The following SHC3 variants were observed in gnomAD, a reference collection of about 807,000 sequenced individuals.
SHC3 encodes the protein SHC-transforming protein 3.
SHC3 carries 15 observed loss-of-function variants against 60.4 expected under a neutral mutation model. The observed-to-expected ratio is 0.25, with a 90% CI of 0.17 to 0.38. The LOEUF (loss-of-function observed/expected upper bound fraction) is 0.38, where lower values mean the gene tolerates loss of function less well. SHC3 is among the 10% of genes least tolerant of loss of function. The probability of loss-of-function intolerance (pLI) is 1.00; values close to 1 mark genes in which losing one functional copy is unlikely to be tolerated. For missense variants in SHC3, 677 were observed against 786.1 expected, an observed-to-expected ratio of 0.86 and a Z score of 1.66; for synonymous variants, 294 against 325.9, an observed-to-expected ratio of 0.90 and a Z score of 1.05.
At position 89,025,328 on chromosome 9, in the gene SHC3, G is replaced by C. The variant is rs1268123857; in HGVS notation, c.1657-11753C>G. On this transcript the variant is annotated intron_variant, in intron 11 of 11. Coordinates refer to ENST00000375835, the MANE Select transcript of SHC3 (RefSeq NM_016848.6). ...CTCCAGGCTTGTAGGCTCATGCCTG[G>C]ATCCAGCCTAACCCAGGTGTGATGT... Among the ~76,000 whole-genome samples, 7 of 152,172 alleles carry C rather than the reference G, an allele frequency of 4.6e-5. No individual in the cohort carries two copies. In the East Asian group the frequency reaches 1.4e-3, roughly 29 times the overall value.
At chr9:89,037,607 C>T (rs1158405789) in intron 11 of SHC3, 1 of 694,986 alleles carries the variant, frequency 1.4e-6, no homozygotes, top group Non-Finnish European at 2.6e-6. Context: ...ACAAAATCCT[C>T]AGTGATTCAA....
chr9:89,012,133 G>A lies in SHC3; in HGVS notation c.*1314C>T, dbSNP rs1826020772. 1 of 152,210 alleles carries A rather than the reference G, an allele frequency of 6.6e-6. No homozygotes were observed. Among genetic ancestry groups the A allele is most frequent in the Non-Finnish European group, 1.5e-5 (1 of 68,078 alleles). The allele number at this position is 152,210 out of a possible 1,614,324, so 9.4% of individuals were successfully genotyped here. A position where few individuals can be genotyped will look rare whatever the true frequency, so the allele number is the denominator to read the frequency against. On this transcript the variant is annotated 3_prime_UTR_variant, in exon 12 of 12. Coordinates refer to ENST00000375835, the MANE Select transcript of SHC3 (RefSeq NM_016848.6). The stretch of plus-strand genomic sequence containing the variant: ...AGAGCCACGCTGCCAGCAAGCAAAT[G>A]GATCCATCTATTCTTTAAAGGGCAT...
At chr9:89,065,874 C>A (rs113122239) in intron 5 of SHC3, among the ~76,000 whole-genome samples, 3,134 of 152,240 alleles carry the variant, frequency 0.021, 46 homozygotes, top group Middle Eastern at 0.068. Context: ...CAGTATCCCA[C>A]CGGAACTGGT....
chr9:89,040,416 C>T (rs928443664), intron 10 of SHC3, among the ~76,000 whole-genome samples: 4 of 151,854 alleles, frequency 2.6e-5, no homozygotes, highest in African/African-American at 9.7e-5. Flanking sequence ...CATCCTGTTT[C>T]CCCTCCTTAG....
intron 11 of SHC3, among the ~76,000 whole-genome samples, chr9:89,024,984 G>A (rs565363856): frequency 1.1e-4 from 17 of 152,312 alleles, no homozygotes; most frequent in Non-Finnish European, 2.1e-4. Flanking sequence ...CACTGCAGAC[G>A]CCATGGGCTT....
intron 11 of SHC3, 76 bp from the exon 12 acceptor site, chr9:89,013,651 C>A: frequency 6.5e-7 from 1 of 1,529,376 alleles, no homozygotes. Flanking sequence ...TCAGAATCAG[C>A]CAGACCATCT....
chr9:89,079,768 A>G (rs1825416725), intron 2 of SHC3, among the ~76,000 whole-genome samples: 1 of 152,250 alleles, frequency 6.6e-6, no homozygotes, highest in South Asian at 2.1e-4. Context: ...CACAGGTCTC[A>G]GGGCACATTC....
intron 1 of SHC3, among the ~76,000 whole-genome samples, chr9:89,138,016 T>C (rs1227878141): frequency 6.6e-6 from 1 of 152,210 alleles, no homozygotes; most frequent in Non-Finnish European, 1.5e-5. Flanking sequence ...AAACCAGAGT[T>C]GGGAAAGATT....
intron 1 of SHC3, among the ~76,000 whole-genome samples, chr9:89,119,374 T>C (rs1476492915): frequency 6.6e-6 from 1 of 151,900 alleles, no homozygotes; most frequent in African/African-American, 2.4e-5. Flanking sequence ...AACCTGCCAA[T>C]TAAAAGTCAA....
chr9:89,110,933 G>C (rs928374390), intron 2 of SHC3, among the ~76,000 whole-genome samples: 12 of 152,252 alleles, frequency 7.9e-5, no homozygotes, highest in Admixed American at 6.5e-4. Context: ...CTACCACAGA[G>C]AGTCCCAGGA....
At chr9:89,177,853 G>T in intron 1 of SHC3, 134 bp downstream of exon 1, 1 of 1,105,290 alleles carries the variant, frequency 9.0e-7, no homozygotes, top group Admixed American at 4.8e-5. Context: ...GATTGCTAAG[G>T]AGTGCGCATT....
intron 1 of SHC3, among the ~76,000 whole-genome samples, chr9:89,152,853 T>C (rs933563048): frequency 1.3e-5 from 2 of 152,186 alleles, no homozygotes; most frequent in African/African-American, 4.8e-5. Flanking sequence ...CAATCCATAC[T>C]TAGAAAAAAT....
intron 1 of SHC3, among the ~76,000 whole-genome samples, chr9:89,130,630 T>C (rs1826230677): frequency 6.6e-6 from 1 of 152,156 alleles, no homozygotes; most frequent in East Asian, 1.9e-4. Flanking sequence ...ACTGCTCAAC[T>C]ACATGGAAAC....
At position 89,078,245 on chromosome 9, in the gene SHC3, G is replaced by A. The variant is rs188671718; in HGVS notation, c.546-342C>T. On this transcript the variant is annotated intron_variant, in intron 2 of 11. Coordinates refer to ENST00000375835, the MANE Select transcript of SHC3 (RefSeq NM_016848.6). Reference sequence around the variant, plus strand: ...CAGCACCCTAAAATATTCTCTTCCCGACACTGTGATGCTATCTATCTCCAT... The same window carrying A: ...CAGCACCCTAAAATATTCTCTTCCCAACACTGTGATGCTATCTATCTCCAT... 2.8e-3 allele frequency among the ~76,000 whole-genome samples: 416 copies of A among 151,054 alleles called. 3 individuals are homozygous for A. The highest frequency in any genetic ancestry group is 9.4e-3 in the African/African-American group (386 of 41,030).
At chr9:89,108,281 G>A (rs138022143) in intron 2 of SHC3, among the ~76,000 whole-genome samples, 1 of 152,056 alleles carries the variant, frequency 6.6e-6, no homozygotes, top group African/African-American at 2.4e-5. Context: ...GGGAGGCTGA[G>A]GTGAATGGAT....
intron 1 of SHC3, among the ~76,000 whole-genome samples, chr9:89,125,341 G>A (rs1036455600): frequency 7.9e-5 from 12 of 151,424 alleles, no homozygotes; most frequent in African/African-American, 1.5e-4. Flanking sequence ...TTCTTTAATT[G>A]TTTAATGTTA....
At chr9:89,155,452 C>A (rs1371741221) in intron 1 of SHC3, among the ~76,000 whole-genome samples, 1 of 152,138 alleles carries the variant, frequency 6.6e-6, no homozygotes, top group Non-Finnish European at 1.5e-5. Flanking sequence ...CTCCCTAGTC[C>A]ATTGCTTCTC....
chr9:89,100,902 C>A (rs1269520773), intron 2 of SHC3, among the ~76,000 whole-genome samples: 1 of 152,074 alleles, frequency 6.6e-6, no homozygotes, highest in Non-Finnish European at 1.5e-5. Context: ...TTTCAAAATT[C>A]TTTTGTTGGT....
chr9:89,130,961 A>G (rs1429792917), intron 1 of SHC3, among the ~76,000 whole-genome samples: 1 of 152,172 alleles, frequency 6.6e-6, no homozygotes, highest in African/African-American at 2.4e-5. Flanking sequence ...AAATCAATGA[A>G]TCCAGGAGCT....
Sources: allele counts gnomAD v4.1 joint callset (sites outside exome capture counted in the v4.1 genomes callset), GRCh38; gene constraint gnomAD v4.1.1; transcripts MANE v1.5; gene names NCBI Gene and HGNC (gene_info 2026-07-23, HGNC 2026-07-21).